KIRREL3: variants seen among roughly 807,000 people sequenced by gnomAD.
KIRREL3 encodes kin of IRRE-like protein 3.
Under a neutral mutation model 89.7 loss-of-function variants are expected in KIRREL3, and 36 were observed. The ratio of observed to expected loss-of-function variants is 0.40; its 90% CI spans 0.31 to 0.53. The LOEUF (loss-of-function observed/expected upper bound fraction) is 0.53, where lower values mean the gene tolerates loss of function less well. Ranked by LOEUF, KIRREL3 falls within the 20% of genes least tolerant of loss-of-function variation. KIRREL3 has a pLI of 0.49. For synonymous variants in KIRREL3, 445 were observed against 441.4 expected, an observed-to-expected ratio of 1.01 and a Z score of -0.10; for missense variants, 864 against 1,056.6, an observed-to-expected ratio of 0.82 and a Z score of 2.53.
At position 126,708,019 on chromosome 11, in the gene KIRREL3, C is replaced by T. The variant is rs938399478; in HGVS notation, c.56-145107G>A. Among the ~76,000 whole-genome samples the T allele has an allele frequency of 4.6e-5, 7 of 152,112 alleles. No individual in the cohort carries two copies. Among genetic ancestry groups the T allele is most frequent in the East Asian group, 1.9e-4 (1 of 5,184 alleles). On this transcript the variant is annotated intron_variant, in intron 1 of 16. Coordinates refer to ENST00000525144, the MANE Select transcript of KIRREL3 (RefSeq NM_032531.4). This position sits in a 1 kb window ranked among gnomAD's most constrained non-coding sequence, Gnocchi z 5.7. ...TCAAGTCGGTGGAGGGTGAAACAGG[C>T]GATTGGCAATACTCCCCTCCGCATC... is the stretch of plus-strand genomic sequence containing the variant.
rs192756064 is a variant in KIRREL3 at position 126,625,898 on chromosome 11, T to C, written c.56-62986A>G. Among the ~76,000 whole-genome samples the C allele has an allele frequency of 1.9e-3, 289 of 152,356 alleles. 1 individual carries two copies. Among genetic ancestry groups the C allele is most frequent in the Non-Finnish European group, 3.3e-3 (224 of 68,034 alleles). On this transcript the variant is annotated intron_variant, in intron 1 of 16. Coordinates refer to ENST00000525144, the MANE Select transcript of KIRREL3 (RefSeq NM_032531.4). ...TTATCCCTTTATTACCCCTGTATAA[T>C]GACAGCCTTCCTATTGAACTTACTG...
Position 126,940,989 on chromosome 11 carries a change from T to A in KIRREL3, c.55+59466A>T, listed in dbSNP as rs1948423750. 1 of 152,188 alleles carries A rather than the reference T, an allele frequency of 6.6e-6. No individual in the cohort carries two copies. Among genetic ancestry groups the A allele is most frequent in the African/African-American group, 2.4e-5 (1 of 41,454 alleles). 9.4% of individuals were successfully genotyped at this position (152,188 alleles called of 1,614,324 possible). A position where few individuals can be genotyped will look rare whatever the true frequency, so the allele number is the denominator to read the frequency against. On this transcript the variant is annotated intron_variant, in intron 1 of 16. Transcript: ENST00000525144. The surrounding 1 kb of genome is among the most constrained non-coding windows in gnomAD (Gnocchi z 4.6). ...TTGCTATTACTAGTTGTCTCACTTA[T>A]CCAGATAATTACCTAGCTTGATTGA...
intron 1 of KIRREL3, among the ~76,000 whole-genome samples, chr11:126,762,918 C>T (rs1949708439): frequency 6.6e-6 from 1 of 152,146 alleles, no homozygotes; most frequent in South Asian, 2.1e-4. Flanking sequence ...GCGTCTGCAA[C>T]TCACGATTGA....
chr11:126,959,622 A>G (rs1450438727), intron 1 of KIRREL3, among the ~76,000 whole-genome samples: 6 of 152,094 alleles, frequency 3.9e-5, no homozygotes, highest in Admixed American at 1.3e-4. Context: ...ATATTCAGCC[A>G]TCATCTCGGT....
Position 126,778,783 on chromosome 11 carries a change from C to T in KIRREL3, c.56-215871G>A, listed in dbSNP as rs1451811353. Among the ~76,000 whole-genome samples, 5 of 152,168 alleles carry T rather than the reference C, an allele frequency of 3.3e-5. No homozygotes were observed. Among genetic ancestry groups the T allele is most frequent in the Admixed American group, 3.3e-4 (5 of 15,282 alleles). ...TATCATGCAGGGCCCATGTAAACAC[C>T]AAGATAAGCTATTTCCATTCCATTC... On this transcript the variant is annotated intron_variant, in intron 1 of 16. Coordinates refer to ENST00000525144, the MANE Select transcript of KIRREL3 (RefSeq NM_032531.4). The surrounding 1 kb of genome is among the most constrained non-coding windows in gnomAD (Gnocchi z 4.5).
intron 1 of KIRREL3, among the ~76,000 whole-genome samples, chr11:126,857,627 T>C (rs1944564275): frequency 6.6e-6 from 1 of 152,104 alleles, no homozygotes; most frequent in Admixed American, 6.5e-5. Flanking sequence ...TGGTATTTCC[T>C]TCATGGTCAT....
intron 1 of KIRREL3, among the ~76,000 whole-genome samples, chr11:126,737,035 T>G (rs1483221010): frequency 6.6e-6 from 1 of 152,236 alleles, no homozygotes; most frequent in African/African-American, 2.4e-5. Flanking sequence ...TAAAGTTTTC[T>G]CAAATAGTAA....
At chr11:126,798,357 C>G (rs1950880286) in intron 1 of KIRREL3, among the ~76,000 whole-genome samples, 1 of 66,070 alleles carries the variant, frequency 1.5e-5, no homozygotes, top group Non-Finnish European at 2.8e-5. Flanking sequence ...CAGGGTGCCT[C>G]CTGTGATTCT....
At position 126,883,772 on chromosome 11, in the gene KIRREL3, TA is replaced by T. The variant is rs1054973827; in HGVS notation, c.55+116682del. ...ACAGGCTGGATTTTCTAAAAGCTACTAAAAAAATGCTTGTTTGAAATTAAAG... is the reference window on the plus strand; with the variant it reads ...ACAGGCTGGATTTTCTAAAAGCTACTAAAAAATGCTTGTTTGAAATTAAAG... On this transcript the variant is annotated intron_variant, in intron 1 of 16. Transcript: ENST00000525144. This position sits in a 1 kb window ranked among gnomAD's most constrained non-coding sequence, Gnocchi z 4.1. Among the ~76,000 whole-genome samples the T allele has an allele frequency of 1.1e-4, 17 of 152,234 alleles. No individual in the cohort carries two copies. In the Middle Eastern group the frequency reaches 0.01, roughly 91 times the overall value.
intron 1 of KIRREL3, among the ~76,000 whole-genome samples, chr11:126,910,846 G>T (rs2134903629): frequency 6.6e-6 from 1 of 152,346 alleles, no homozygotes; most frequent in Middle Eastern, 3.4e-3. Flanking sequence ...GGCAGGGACT[G>T]CCAGGTATCC....
rs920840325 is a variant in KIRREL3 at position 126,593,263 on chromosome 11, G to A, written c.56-30351C>T. ...CTGACTCATCGGTCACTGCTTGCGC[G>A]CTCAGCCATTGTTAACTGGTGACTT... On this transcript the variant is annotated intron_variant, in intron 1 of 16. Coordinates refer to ENST00000525144, the MANE Select transcript of KIRREL3 (RefSeq NM_032531.4). Among the ~76,000 whole-genome samples the A allele has an allele frequency of 4.6e-5, 7 of 152,302 alleles. No homozygotes were observed. The South Asian group carries it at 1.0e-3, about 23-fold the overall frequency.
chr11:126,845,565 G>A (rs576218815), intron 1 of KIRREL3, among the ~76,000 whole-genome samples: 100 of 152,166 alleles, frequency 6.6e-4, no homozygotes, highest in South Asian at 5.4e-3. Context: ...AAGATGGCCC[G>A]GAAAACTGGT....
At chr11:127,001,201 C>G (rs1199668708), upstream of KIRREL3, 1 of 149,314 alleles carries the variant, frequency 6.7e-6, no homozygotes, top group Non-Finnish European at 1.5e-5. Context: ...GGGTGCGCAT[C>G]TTTCCCTCGG....
intron 1 of KIRREL3, among the ~76,000 whole-genome samples, chr11:126,728,164 G>C (rs1317528053): frequency 1.3e-5 from 2 of 152,176 alleles, no homozygotes; most frequent in Non-Finnish European, 2.9e-5. Flanking sequence ...TGTCACAGCT[G>C]TGGTGGCTGG....
Position 126,898,109 on chromosome 11 carries a change from G to A in KIRREL3, c.55+102346C>T, listed in dbSNP as rs1361939731. On this transcript the variant is annotated intron_variant, in intron 1 of 16. Coordinates refer to ENST00000525144, the MANE Select transcript of KIRREL3 (RefSeq NM_032531.4). The surrounding 1 kb of genome is among the most constrained non-coding windows in gnomAD (Gnocchi z 4.9). ...AAACATTTTATTTCAGGCATTCCCA[G>A]GTGGTGTTTGCCCTGGTTCCAGTCT... Among the ~76,000 whole-genome samples, 4 of 152,184 alleles carry A rather than the reference G, an allele frequency of 2.6e-5. No homozygotes were observed. Among genetic ancestry groups the A allele is most frequent in the East Asian group, 3.8e-4 (2 of 5,198 alleles).
intron 1 of KIRREL3, among the ~76,000 whole-genome samples, chr11:126,603,200 C>T (rs1440475472): frequency 6.6e-6 from 1 of 152,226 alleles, no homozygotes; most frequent in Non-Finnish European, 1.5e-5. Flanking sequence ...TCCCAGGACT[C>T]CCTGTTTAGC....
chr11:126,790,586 T>A lies in KIRREL3; in HGVS notation c.55+209869A>T, dbSNP rs967777438. On this transcript the variant is annotated intron_variant, in intron 1 of 16. Transcript: ENST00000525144. ...CTTGTTAGGCAACCACCCAACCATG[T>A]GATCCATTATTTTTTTTCCTATTGT... 5.3e-5 allele frequency among the ~76,000 whole-genome samples: 8 copies of A among 152,240 alleles called. No individual in the cohort carries two copies. In the East Asian group the frequency reaches 1.5e-3, roughly 29 times the overall value.
At chr11:126,452,827 C>A (rs1318177332) in intron 7 of KIRREL3, among the ~76,000 whole-genome samples, 1 of 152,154 alleles carries the variant, frequency 6.6e-6, no homozygotes, top group Admixed American at 6.5e-5. Flanking sequence ...CCCGACAGAG[C>A]CCGCAGCTCA....
chr11:126,876,714 A>G lies in KIRREL3; in HGVS notation c.55+123741T>C, dbSNP rs1204320611. Among the ~76,000 whole-genome samples, 2 of 151,506 alleles carry G rather than the reference A, an allele frequency of 1.3e-5. No homozygotes were observed. Among genetic ancestry groups the G allele is most frequent in the Non-Finnish European group, 2.9e-5 (2 of 67,898 alleles). ...CACCATGCCCAGCTAATTTTTTTGT[A>G]TTTTTAGTAGAGATGGGGTTTCACC... On this transcript the variant is annotated intron_variant, in intron 1 of 16. Coordinates refer to ENST00000525144, the MANE Select transcript of KIRREL3 (RefSeq NM_032531.4). This position sits in a 1 kb window ranked among gnomAD's most constrained non-coding sequence, Gnocchi z 4.1.
Sources: allele counts gnomAD v4.1 joint callset (sites outside exome capture counted in the v4.1 genomes callset), GRCh38; gene constraint gnomAD v4.1.1; non-coding constraint Gnocchi (gnomAD v3.1); transcripts MANE v1.5; gene names NCBI Gene and HGNC (gene_info 2026-07-23, HGNC 2026-07-21).